The following TIMP2 variants were observed in gnomAD, a reference collection of about 807,000 sequenced individuals.
TIMP2 encodes the protein TIMP metallopeptidase inhibitor 2, also known as metalloproteinase inhibitor 2.
TIMP2 carries 5 observed loss-of-function variants against 24.3 expected under a neutral mutation model. That is an observed-to-expected ratio of 0.21 (90% confidence interval 0.11 to 0.43). The LOEUF is 0.43. Ranked by LOEUF, TIMP2 falls within the 20% of genes least tolerant of loss-of-function variation. The pLI is 1.00. For missense variants in TIMP2, 221 were observed against 297.5 expected (o/e 0.74, Z 1.89); for synonymous variants, 130 against 123.2 (o/e 1.06, Z -0.37).
In TIMP2 at chr17:78,924,756, A is replaced by AGAGGGAAAGAAAGGGAGAGGAGGGAG. The variant is rs2070336155; in HGVS notation, c.130+177_130+202dup. Among the ~76,000 whole-genome samples the AGAGGGAAAGAAAGGGAGAGGAGGGAG allele has an allele frequency of 1.3e-5, 2 of 151,868 alleles. No homozygotes were observed. The highest frequency in any genetic ancestry group is 4.8e-5 in the African/African-American group (2 of 41,328). On this transcript the variant is annotated intron_variant, in intron 1 of 4. Transcript: ENST00000262768. This position sits in a 1 kb window ranked among gnomAD's most constrained non-coding sequence, Gnocchi z 5.3. ...GAGGTTGAGACGCATCTCGGCAAAG[A>AGAGGGAAAGAAAGGGAGAGGAGGGAG]GAGGGAAAGAAAGGGAGAGGAGGGA...
At chr17:78,865,758 C>T (rs9893955) in intron 3 of TIMP2, among the ~76,000 whole-genome samples, 30,379 of 152,110 alleles carry the variant, frequency 0.2, 3,816 homozygotes, top group African/African-American at 0.34. Flanking sequence ...TGCCACTGCA[C>T]TCCAGCCTGG....
chr17:78,921,023 CA>C (rs2070304930), intron 1 of TIMP2, among the ~76,000 whole-genome samples: 1 of 152,224 alleles, frequency 6.6e-6, no homozygotes, highest in South Asian at 2.1e-4. Flanking sequence ...ATACTTCGCA[CA>C]ACGAGTTGCC....
At chr17:78,905,431 C>T (rs1189562669) in intron 1 of TIMP2, among the ~76,000 whole-genome samples, 2 of 152,252 alleles carry the variant, frequency 1.3e-5, no homozygotes, top group African/African-American at 4.8e-5. Context: ...AACCCTAATA[C>T]GGACCCATAG....
In TIMP2 at chr17:78,896,219, G is replaced by A. The variant is rs968769547; in HGVS notation, c.131-22300C>T. On this transcript the variant is annotated intron_variant, in intron 1 of 4. Transcript: ENST00000262768. The surrounding 1 kb of genome is among the most constrained non-coding windows in gnomAD (Gnocchi z 4.4). ...ACTTACTAACTTGAGGCAGAGGGCAGGGTCTCACGTGGACTTGTGCAGGCA... is the reference window on the plus strand; with the variant it reads ...ACTTACTAACTTGAGGCAGAGGGCAAGGTCTCACGTGGACTTGTGCAGGCA... Among the ~76,000 whole-genome samples the A allele has an allele frequency of 2.0e-5, 3 of 152,212 alleles. No individual in the cohort carries two copies. The highest frequency in any genetic ancestry group is 4.4e-5 in the Non-Finnish European group (3 of 68,032).
At chr17:78,856,702 G>A (rs576644674) in intron 4 of TIMP2, 11 of 152,408 alleles carry the variant, frequency 7.2e-5, no homozygotes, top group African/African-American at 2.6e-4. Flanking sequence ...AGCTGTGCCT[G>A]GCACAACCTC....
At chr17:78,885,390 G>A (rs1170510570) in intron 1 of TIMP2, among the ~76,000 whole-genome samples, 2 of 152,208 alleles carry the variant, frequency 1.3e-5, no homozygotes, top group South Asian at 2.1e-4. Flanking sequence ...AGGTGAACAC[G>A]GCCACCACAT....
intron 3 of TIMP2, among the ~76,000 whole-genome samples, chr17:78,869,021 A>C (rs1042698409): frequency 1.3e-5 from 2 of 152,238 alleles, no homozygotes; most frequent in Non-Finnish European, 2.9e-5. Context: ...CCCAAATGTT[A>C]ATAGTGCTGA....
At chr17:78,921,498 C>T (rs374268014) in intron 1 of TIMP2, among the ~76,000 whole-genome samples, 26 of 152,282 alleles carry the variant, frequency 1.7e-4, no homozygotes, top group East Asian at 7.7e-4. Context: ...CCAAGCAGCC[C>T]GAGTCTGCCA....
chr17:78,867,382 A>G (rs1278223162), intron 3 of TIMP2, among the ~76,000 whole-genome samples: 1 of 152,152 alleles, frequency 6.6e-6, no homozygotes, highest in East Asian at 1.9e-4. Flanking sequence ...CGAGATACCC[A>G]GCAAAGCAGG....
At chr17:78,898,398 T>A (rs9912418) in intron 1 of TIMP2, 3 of 152,032 alleles carry the variant, frequency 2.0e-5, no homozygotes, top group Non-Finnish European at 2.9e-5. Context: ...TGGAAACCAC[T>A]TCCACAGCAC....
Position 78,858,427 on chromosome 17 carries a change from C to T in TIMP2, c.341-781G>A, listed in dbSNP as rs150003629. Among the ~76,000 whole-genome samples, 814 of 151,532 alleles carry T rather than the reference C, an allele frequency of 5.4e-3. 9 individuals are homozygous for T. Among genetic ancestry groups the T allele is most frequent in the African/African-American group, 0.017 (720 of 41,294 alleles). Reference sequence around the variant, plus strand: ...CACTGCACTCCAGCCTGGGCCTGGGCGACAGAGCGAGACTCAGTCTAAAAA... The same window carrying T: ...CACTGCACTCCAGCCTGGGCCTGGGTGACAGAGCGAGACTCAGTCTAAAAA... On this transcript the variant is annotated intron_variant, in intron 3 of 4. Transcript: ENST00000262768.
At chr17:78,918,088 A>T (rs978523450) in intron 1 of TIMP2, among the ~76,000 whole-genome samples, 2 of 120,148 alleles carry the variant, frequency 1.7e-5, no homozygotes, top group South Asian at 2.6e-4. Flanking sequence ...ACACACACAC[A>T]CACACACACA....
At chr17:78,915,973 C>T (rs2070254373) in intron 1 of TIMP2, among the ~76,000 whole-genome samples, 1 of 152,202 alleles carries the variant, frequency 6.6e-6, no homozygotes, top group Non-Finnish European at 1.5e-5. Context: ...CAAGAACATA[C>T]CTCCAAGCCC....
intron 1 of TIMP2, among the ~76,000 whole-genome samples, chr17:78,883,719 C>T (rs2069799292): frequency 6.6e-6 from 1 of 152,176 alleles, no homozygotes; most frequent in Non-Finnish European, 1.5e-5. Context: ...TCACTTCCTG[C>T]CCATTCGTTT....
intron 1 of TIMP2, among the ~76,000 whole-genome samples, chr17:78,876,844 T>C (rs2069732368): frequency 6.6e-6 from 1 of 152,144 alleles, no homozygotes; most frequent in Non-Finnish European, 1.5e-5. Flanking sequence ...GCAAGTTTCT[T>C]CCGCCCCAAA....
chr17:78,892,548 T>C (rs1250455042), intron 1 of TIMP2: 3 of 1,463,380 alleles, frequency 2.1e-6, no homozygotes, highest in Admixed American at 2.6e-5. Context: ...GGATTCTCAC[T>C]GTGAGGACAG....
chr17:78,890,584 G>C (rs1297459897), intron 1 of TIMP2: 9 of 1,505,988 alleles, frequency 6.0e-6, no homozygotes, highest in Non-Finnish European at 7.2e-6. Context: ...CCGGGTACCA[G>C]TGCTGGCAGC....
chr17:78,860,932 A>G (rs2069562455), intron 3 of TIMP2, among the ~76,000 whole-genome samples: 1 of 151,566 alleles, frequency 6.6e-6, no homozygotes, highest in Non-Finnish European at 1.5e-5. Flanking sequence ...GCTACTCAGG[A>G]GGCTGAGGCA....
intron 2 of TIMP2, among the ~76,000 whole-genome samples, chr17:78,871,277 C>A (rs751167890): frequency 1.1e-4 from 17 of 151,664 alleles, no homozygotes; most frequent in Non-Finnish European, 2.2e-4. Context: ...CGTAGCAAAA[C>A]CCTGTTTCTA....
Sources: gnomAD v4.1 joint callset for allele counts (sites outside exome capture counted in the v4.1 genomes callset) on GRCh38, gnomAD v4.1.1 for gene constraint, Gnocchi (gnomAD v3.1) non-coding constraint, MANE v1.5 for transcripts, NCBI Gene and HGNC (gene_info 2026-07-23, HGNC 2026-07-21) for gene names.